Variants in KIFC3 observed in about 807,000 individuals in gnomAD.
The protein encoded by KIFC3 is kinesin family member C3.
A neutral mutation model predicts 101.8 loss-of-function variants in KIFC3; 60 were observed. That is an observed-to-expected ratio of 0.59 (90% CI 0.48 to 0.73). KIFC3 has a LOEUF of 0.73. Among genes scored for constraint, KIFC3 ranks in the 30% least tolerant of loss-of-function variants. The probability of loss-of-function intolerance (pLI) is 0.00; values close to 1 mark genes in which losing one functional copy is unlikely to be tolerated. For missense variants in KIFC3, 966 were observed against 1,137.1 expected, an observed-to-expected ratio of 0.85 and a Z score of 2.16; for synonymous variants, 476 against 482.7, an observed-to-expected ratio of 0.99 and a Z score of 0.18.
chr16:57,803,267 C>T, upstream of KIFC3: 1 of 698,566 alleles, frequency 1.4e-6, no homozygotes, highest in Non-Finnish European at 2.6e-6. Flanking sequence ...TGGGGGAGGC[C>T]AGGGGCCTGC....
chr16:57,764,232 G>A lies in KIFC3; in HGVS notation c.1528C>T (p.Gln510Ter). The A allele has an allele frequency of 2.6e-6, 3 of 1,146,084 alleles. No homozygotes were observed. The highest frequency in any genetic ancestry group is 3.6e-6 in the Non-Finnish European group (3 of 822,034). 71.0% of individuals were successfully genotyped at this position (1,146,084 alleles called of 1,614,324 possible). A position where few individuals can be genotyped will look rare whatever the true frequency, so the allele number is the denominator to read the frequency against. ...TCAATGCAAGAGGTGACCAGGGCCT[G>A]CACCTCCTGGAACACCTGGGAGGGT... Reference protein sequence around the residue: ...ASQQDVFQEVQALVTSCIDGF... With the variant: ...ASQQDVFQEV The change falls in exon 12 of 20, where the codon CAG becomes TAG. Residue 510 changes from glutamine (Q) to a stop codon, truncating the protein, a stop_gained. Coordinates refer to ENST00000445690, the MANE Select transcript of KIFC3 (RefSeq NM_001130100.2). LOFTEE classifies it high-confidence loss of function.
intron 3 of KIFC3, chr16:57,776,332 C>T (rs966832626): frequency 2.4e-5 from 24 of 985,262 alleles, no homozygotes; most frequent in Admixed American, 1.8e-4. Context: ...GTATGACCAC[C>T]GGCCAGGCCT....
chr16:57,806,760 T>C (rs1423296706), upstream of KIFC3, among the ~76,000 whole-genome samples: 1 of 152,222 alleles, frequency 6.6e-6, no homozygotes, highest in African/African-American at 2.4e-5. Context: ...GAAAAGTGTG[T>C]CCTCTCATGC....
At chr16:57,850,477 T>TG (rs1671034160) in intron 1 of KIFC3, among the ~76,000 whole-genome samples, 1 of 136,526 alleles carries the variant, frequency 7.3e-6, no homozygotes, top group East Asian at 2.1e-4. Flanking sequence ...TTTTTTTTTT[T>TG]TTTTTTTTTT....
At chr16:57,818,476 C>T (rs1200790095) in intron 1 of KIFC3, among the ~76,000 whole-genome samples, 1 of 152,210 alleles carries the variant, frequency 6.6e-6, no homozygotes, top group Non-Finnish European at 1.5e-5. Context: ...GTGATCCTCC[C>T]ACCTCAGCCT....
At chr16:57,792,936 A>T (rs2053998061) in intron 3 of KIFC3, among the ~76,000 whole-genome samples, 1 of 151,212 alleles carries the variant, frequency 6.6e-6, no homozygotes, top group African/African-American at 2.4e-5. Flanking sequence ...GATTACCAGG[A>T]CTTACTTGAG....
chr16:57,779,942 A>C (rs1481344727), intron 3 of KIFC3: 21 of 152,242 alleles, frequency 1.4e-4, no homozygotes, highest in Admixed American at 1.4e-3. Context: ...GGAGACACAA[A>C]GCATGTCTTC....
chr16:57,764,720 G>A (rs2050259395), intron 11 of KIFC3, among the ~76,000 whole-genome samples: 2 of 152,218 alleles, frequency 1.3e-5, no homozygotes. Flanking sequence ...AGCCTCAGGG[G>A]GTTGGGGGAT....
intron 1 of KIFC3, among the ~76,000 whole-genome samples, chr16:57,820,541 A>G (rs2055327393): frequency 1.3e-5 from 2 of 152,278 alleles, no homozygotes; most frequent in African/African-American, 4.8e-5. Context: ...CAGCCTCCCA[A>G]GTGCTGGCAT....
At chr16:57,765,075 G>A (rs1368671319) in intron 11 of KIFC3, among the ~76,000 whole-genome samples, 3 of 152,014 alleles carry the variant, frequency 2.0e-5, no homozygotes, top group South Asian at 2.1e-4. Context: ...GCCATGTGGT[G>A]GAAGGGGCTG....
intron 2 of KIFC3, among the ~76,000 whole-genome samples, chr16:57,796,168 C>T (rs1555622865): frequency 6.6e-6 from 1 of 152,176 alleles, no homozygotes; most frequent in East Asian, 1.9e-4. Flanking sequence ...GCTAGGATTA[C>T]AGGCGTGAGC....
At chr16:57,823,663 G>A (rs1367589090) in intron 1 of KIFC3, among the ~76,000 whole-genome samples, 1 of 152,018 alleles carries the variant, frequency 6.6e-6, no homozygotes, top group African/African-American at 2.4e-5. Context: ...TGCGGTCTTG[G>A]CTCACTGCAA....
intron 1 of KIFC3, among the ~76,000 whole-genome samples, chr16:57,818,758 C>G (rs200830858): frequency 6.6e-6 from 1 of 152,214 alleles, no homozygotes; most frequent in East Asian, 1.9e-4. Context: ...GTAAGCTCCT[C>G]GAGGCTATTT....
At chr16:57,759,961 T>C (rs1597855790) in intron 17 of KIFC3, 125 bp from the exon 18 acceptor site, 3 of 682,992 alleles carry the variant, frequency 4.4e-6, no homozygotes, top group Admixed American at 6.1e-5. Flanking sequence ...AAAATGGGCA[T>C]GATGTTTGTG....
chr16:57,760,133 C>T, intron 17 of KIFC3, 149 bp downstream of exon 17: 2 of 929,088 alleles, frequency 2.2e-6, no homozygotes, highest in Non-Finnish European at 3.3e-6. Flanking sequence ...AGGCTGCTGG[C>T]TGTGGGTTCC....
At chr16:57,855,860 C>T (rs1169599466) in intron 1 of KIFC3, among the ~76,000 whole-genome samples, 6 of 151,058 alleles carry the variant, frequency 4.0e-5, no homozygotes, top group Non-Finnish European at 7.4e-5. Context: ...GCAGAAGAAT[C>T]GCTTGAACCT....
intron 6 of KIFC3, 43 bp downstream of exon 6, chr16:57,771,154 AG>A: frequency 1.2e-6 from 2 of 1,601,352 alleles, no homozygotes; most frequent in Non-Finnish European, 1.7e-6. Flanking sequence ...CCCAGGTGCC[AG>A]GGGCCTTGGG....
At chr16:57,809,598 CCCACA>C (rs1224079440) in intron 1 of KIFC3, among the ~76,000 whole-genome samples, 1 of 152,176 alleles carries the variant, frequency 6.6e-6, no homozygotes, top group Admixed American at 6.5e-5. Flanking sequence ...ACCATTGCCA[CCCACA>C]CAGCCCGTTC....
intron 12 of KIFC3, among the ~76,000 whole-genome samples, chr16:57,763,179 T>C (rs557941948): frequency 6.6e-6 from 1 of 152,262 alleles, no homozygotes; most frequent in African/African-American, 2.4e-5. Flanking sequence ...CAGGGACTGT[T>C]TGGGTCACAG....
Sources: gnomAD v4.1 joint callset for allele counts (sites outside exome capture counted in the v4.1 genomes callset) on GRCh38, gnomAD v4.1.1 for gene constraint, MANE v1.5 for transcripts, NCBI Gene and HGNC (gene_info 2026-07-23, HGNC 2026-07-21) for gene names.